Variants in SVIL observed in about 807,000 individuals in gnomAD.
The protein encoded by SVIL is archvillin.
A neutral mutation model predicts 240.4 loss-of-function variants in SVIL; 101 were observed. The ratio of observed to expected loss-of-function variants is 0.42; its 90% CI spans 0.36 to 0.50. SVIL has a LOEUF of 0.50. Among genes scored for constraint, SVIL ranks in the 20% least tolerant of loss-of-function variants. The pLI is 0.01. For missense variants in SVIL, 2,512 were observed against 2,818.7 expected (o/e 0.89, Z 2.46); for synonymous variants, 999 against 1,100.0 (o/e 0.91, Z 1.82).
At chr10:29,601,330 A>G (rs993453914) in intron 1 of SVIL, among the ~76,000 whole-genome samples, 2 of 152,220 alleles carry the variant, frequency 1.3e-5, no homozygotes, top group African/African-American at 4.8e-5. Flanking sequence ...TAAAGCTTAA[A>G]ATGTGCTCCT....
intron 1 of SVIL, among the ~76,000 whole-genome samples, chr10:29,571,944 T>TC (rs1955441466): frequency 6.6e-6 from 1 of 152,192 alleles, no homozygotes; most frequent in African/African-American, 2.4e-5. Flanking sequence ...GAGCAGGGAC[T>TC]CTGAGTTACT....
chr10:29,689,425 C>T (rs1961332663), intron 1 of SVIL, among the ~76,000 whole-genome samples: 1 of 152,192 alleles, frequency 6.6e-6, no homozygotes, highest in African/African-American at 2.4e-5. Context: ...GTGGGGATTA[C>T]AGGCACACAC....
chr10:29,480,743 C>T lies in SVIL; in HGVS notation c.5171G>A (p.Gly1724Asp). ...GACGTTCACTCCGTCCAGGATGGTG[C>T]CTGCTGTCGTCTGGGGCATGGACAC... ...RMVSMPQTTAGTILDGVNVGR... is the reference protein window; with the variant it reads ...RMVSMPQTTADTILDGVNVGR... Residue 1724 changes from glycine to aspartate, a missense_variant, in exon 29 of 38, where the codon GGC becomes GAC. Transcript: ENST00000355867. The T allele has an allele frequency of 3.1e-6, 5 of 1,614,000 alleles. No individual in the cohort carries two copies. The highest frequency in any genetic ancestry group is 3.4e-6 in the Non-Finnish European group (4 of 1,179,938).
chr10:29,713,005 C>T (rs7077668), intron 1 of SVIL, among the ~76,000 whole-genome samples: 29,240 of 151,780 alleles, frequency 0.19, 3,491 homozygotes, highest in African/African-American at 0.34. Context: ...GGTGAAACCC[C>T]GTCTCTACTA....
At chr10:29,684,392 T>C (rs1346942592) in intron 2 of SVIL, among the ~76,000 whole-genome samples, 1 of 152,008 alleles carries the variant, frequency 6.6e-6, no homozygotes, top group Non-Finnish European at 1.5e-5. Flanking sequence ...AAGACATTAA[T>C]CAATACATGG....
chr10:29,719,791 T>TA (rs138578379), intron 1 of SVIL, among the ~76,000 whole-genome samples: 2,944 of 151,872 alleles, frequency 0.019, 107 homozygotes, highest in African/African-American at 0.067. Context: ...AAAGAAAGTT[T>TA]AAAAAAAATG....
intron 36 of SVIL, among the ~76,000 whole-genome samples, chr10:29,461,648 A>G (rs2132267845): frequency 6.6e-6 from 1 of 152,370 alleles, no homozygotes; most frequent in South Asian, 2.1e-4. Context: ...AAGAAATTCA[A>G]CATAGCTATA....
In SVIL at chr10:29,522,423, A is replaced by G; in HGVS notation, c.3376T>C (p.Ser1126Pro). 6.2e-7 allele frequency: 1 copy of G among 1,614,162 alleles called. No homozygotes were observed. Residue 1126 changes from serine (S) to proline (P), a missense_variant, in exon 16 of 38, where the codon TCT (serine) becomes CCT (proline). Physicochemically the swap from Ser to Pro is moderately conservative, Grantham distance 74. Transcript: ENST00000355867. ...GLLDSPSKTMSIKERLALLKK... is the reference protein window; with the variant it reads ...GLLDSPSKTMPIKERLALLKK... ...GAATCTCATTACCTTTCTTTAATAG[A>G]CATGGTTTTGCTGGGTGAGTCAAGA...
At chr10:29,518,099 T>A (rs2368397) in intron 16 of SVIL, among the ~76,000 whole-genome samples, 65,218 of 150,760 alleles carry the variant, frequency 0.43, 14,620 homozygotes, top group African/African-American at 0.54. Context: ...GAAAAAAAAT[T>A]TTTTTAAGGC....
chr10:29,532,553 G>A lies in SVIL; in HGVS notation c.1814C>T (p.Ala605Val). 1 of 1,611,192 alleles carries A rather than the reference G, an allele frequency of 6.2e-7. No individual in the cohort carries two copies. Among genetic ancestry groups the A allele is most frequent in the Non-Finnish European group, 8.5e-7 (1 of 1,177,562 alleles). ...CAGTTCAGGTCTCCTGCAGGCGTTG[G>A]CAGATGCCAGGAACGCACTTCGGAG... ...AQLRSAFLAS[A>V]NACRRPELKS... is the part of the protein sequence containing the mutation. Residue 605 changes from alanine (A) to valine (V), a missense_variant, in exon 8 of 38, where the codon GCC (alanine) becomes GTC (valine). Physicochemically the swap from Ala to Val is moderately conservative, Grantham distance 64 (BLOSUM62 0). Coordinates refer to ENST00000355867, the MANE Select transcript of SVIL (RefSeq NM_021738.3).
At position 29,462,792 on chromosome 10, in the gene SVIL, T is replaced by C. The variant is rs144673547; in HGVS notation, c.6278-391A>G. On this transcript the variant is annotated intron_variant, in intron 35 of 37. Coordinates refer to ENST00000355867, the MANE Select transcript of SVIL (RefSeq NM_021738.3). ...TGACTGACGGCGAACGACAGCATCT[T>C]ATACATCCACATTCACTATAACATT... Among the ~76,000 whole-genome samples the C allele has an allele frequency of 1.2e-4, 19 of 152,346 alleles. No individual in the cohort carries two copies. In the East Asian group the frequency reaches 3.5e-3, roughly 28 times the overall value.
At chr10:29,667,657 G>A (rs190218474) in intron 2 of SVIL, among the ~76,000 whole-genome samples, 66 of 152,174 alleles carry the variant, frequency 4.3e-4, no homozygotes, top group African/African-American at 1.6e-3. Flanking sequence ...TTCAAGACAA[G>A]CCTGGGAAAC....
chr10:29,506,766 C>G (rs113013126), intron 17 of SVIL, among the ~76,000 whole-genome samples: 15 of 147,930 alleles, frequency 1.0e-4, no homozygotes, highest in African/African-American at 3.0e-4. Flanking sequence ...GGGACAGAGG[C>G]CCTAGAGGGA....
chr10:29,605,139 C>A (rs556359469), intron 1 of SVIL, among the ~76,000 whole-genome samples: 2 of 152,312 alleles, frequency 1.3e-5, no homozygotes, highest in South Asian at 4.1e-4. Context: ...CTTTGGAGAT[C>A]TTCCCATATA....
chr10:29,524,967 T>G, intron 13 of SVIL, among the ~76,000 whole-genome samples: 1 of 152,210 alleles, frequency 6.6e-6, no homozygotes, highest in Non-Finnish European at 1.5e-5. Flanking sequence ...GAATTTCCTG[T>G]TTAAGACATT....
intron 1 of SVIL, among the ~76,000 whole-genome samples, chr10:29,715,595 C>A (rs921176982): frequency 6.6e-6 from 1 of 152,208 alleles, no homozygotes; most frequent in African/African-American, 2.4e-5. Flanking sequence ...TATTACATCC[C>A]ACAGACTGTC....
In SVIL at chr10:29,607,773, T is replaced by C. The variant is rs573955441; in HGVS notation, c.-201+26647A>G. ...GCAGGGCACATCCCTGAGTCAGAGA[T>C]GGAGCAGGTCAAGGCAGCTCAAGGC... On this transcript the variant is annotated intron_variant, in intron 1 of 37. Transcript: ENST00000355867. Among the ~76,000 whole-genome samples the C allele has an allele frequency of 2.0e-4, 30 of 152,298 alleles. No homozygotes were observed. In the South Asian group the frequency reaches 6.2e-3, roughly 32 times the overall value.
rs564657089 is a variant in SVIL at position 29,662,773 on chromosome 10, G to A, written c.-300-4705C>T. On this transcript the variant is annotated intron_variant, in intron 2 of 35. Coordinates refer to the SVIL transcript ENST00000375400. ...GACAGGGCAGCAGGGATGTATGTGC[G>A]CGCGTACACACACACACACACACAC... 3.8e-4 allele frequency among the ~76,000 whole-genome samples: 55 copies of A among 144,950 alleles called. 1 individual carries two copies. The highest frequency in any genetic ancestry group is 5.2e-4 in the Non-Finnish European group (34 of 65,802).
chr10:29,630,086 C>T (rs1958025848), intron 1 of SVIL, among the ~76,000 whole-genome samples: 1 of 152,150 alleles, frequency 6.6e-6, no homozygotes, highest in African/African-American at 2.4e-5. Context: ...CCCTTCTACT[C>T]TGACTGGTAA....
Sources: allele counts gnomAD v4.1 joint callset (sites outside exome capture counted in the v4.1 genomes callset), GRCh38; gene constraint gnomAD v4.1.1; transcripts MANE v1.5; gene names NCBI Gene and HGNC (gene_info 2026-07-23, HGNC 2026-07-21).